RORA: variants seen among roughly 807,000 people sequenced by gnomAD.
RORA encodes the protein RAR related orphan receptor A, also known as nuclear receptor ROR-alpha.
Under a neutral mutation model 69.5 loss-of-function variants are expected in RORA, and 7 were observed. The ratio of observed to expected loss-of-function variants is 0.10; its 90% CI spans 0.06 to 0.19. The LOEUF is 0.19. Among genes scored for constraint, RORA ranks in the 10% least tolerant of loss-of-function variants. RORA has a pLI of 1.00. For missense variants in RORA, 457 were observed against 663.0 expected, an observed-to-expected ratio of 0.69 and a Z score of 3.41; for synonymous variants, 261 against 240.8, an observed-to-expected ratio of 1.08 and a Z score of -0.78.
intron 1 of RORA, among the ~76,000 whole-genome samples, chr15:61,179,852 G>A (rs182681659): frequency 1.1e-4 from 16 of 152,122 alleles, no homozygotes; most frequent in African/African-American, 2.6e-4. Flanking sequence ...AGACAAAACC[G>A]TAGGCTGGGT....
rs1028666553 is a variant in RORA, at chr15:60,952,625, G to C, written c.167-273939C>G. Among the ~76,000 whole-genome samples, 225 of 152,204 alleles carry C rather than the reference G, an allele frequency of 1.5e-3. 1 individual carries two copies. The highest frequency in any genetic ancestry group is 2.0e-3 in the Non-Finnish European group (133 of 68,020). ...ATACAAAATCACTGTACAAAAATCA[G>C]AAGCATTCCTATACACCAATAACAG... On this transcript the variant is annotated intron_variant, in intron 1 of 10. Coordinates refer to ENST00000335670, the MANE Select transcript of RORA (RefSeq NM_134261.3).
chr15:61,120,508 G>A (rs555078002), intron 1 of RORA, among the ~76,000 whole-genome samples: 3 of 151,990 alleles, frequency 2.0e-5, no homozygotes, highest in East Asian at 3.9e-4. Context: ...GACCACCCTG[G>A]CTAACACGAT....
At chr15:60,598,013 C>T (rs571789596) in intron 2 of RORA, among the ~76,000 whole-genome samples, 2 of 152,216 alleles carry the variant, frequency 1.3e-5, no homozygotes, top group Non-Finnish European at 2.9e-5. Context: ...AACCAACCTA[C>T]ATCCCACTCA....
intron 1 of RORA, among the ~76,000 whole-genome samples, chr15:60,698,754 G>A (rs895971839): frequency 2.7e-5 from 4 of 150,916 alleles, no homozygotes; most frequent in African/African-American, 9.8e-5. Context: ...GTGTACACCT[G>A]TCCCAATGCA....
intron 2 of RORA, among the ~76,000 whole-genome samples, chr15:60,590,175 ATCTCTCTCTCTC>A (rs56192812): frequency 6.8e-5 from 10 of 146,712 alleles, no homozygotes; most frequent in Admixed American, 2.7e-4. Flanking sequence ...CTCTTCCTCT[ATCTCTCTCTCTC>A]TCTCTCTCTC....
intron 1 of RORA, among the ~76,000 whole-genome samples, chr15:60,945,072 C>G (rs909132934): frequency 1.1e-4 from 17 of 152,156 alleles, no homozygotes; most frequent in Non-Finnish European, 7.3e-5. Context: ...GGCTTAAGAG[C>G]AGAGAGGAGG....
intron 1 of RORA, among the ~76,000 whole-genome samples, chr15:60,857,376 A>G (rs2073391492): frequency 6.6e-6 from 1 of 150,984 alleles, no homozygotes; most frequent in African/African-American, 2.4e-5. Context: ...ATCTTTGCTC[A>G]TGCACCCCAA....
In RORA at chr15:60,492,857, TAC is replaced by T. The variant is rs1488327311; in HGVS notation, c.*4596_*4597del. ...CAAAATGAGACGAGAGTAAAGAGTT[TAC>T]ACACACGCAGTTCTATATAGTTCAC... On this transcript the variant is annotated 3_prime_UTR_variant, in exon 11 of 11. Transcript: ENST00000335670. The T allele has an allele frequency of 2.6e-5, 4 of 152,126 alleles. No homozygotes were observed. The highest frequency in any genetic ancestry group is 2.0e-4 in the Admixed American group (3 of 15,268). 9.4% of individuals were successfully genotyped at this position (152,126 alleles called of 1,614,324 possible).
At chr15:61,104,255 G>A (rs527712876) in intron 1 of RORA, among the ~76,000 whole-genome samples, 3 of 152,258 alleles carry the variant, frequency 2.0e-5, no homozygotes, top group Non-Finnish European at 4.4e-5. Flanking sequence ...TTGAGGGAAC[G>A]GAGAAAATTA....
Position 61,201,072 on chromosome 15 carries a change from C to T in RORA, c.166+27981G>A, listed in dbSNP as rs544750896. On this transcript the variant is annotated intron_variant, in intron 1 of 10. Transcript: ENST00000335670. ...TGCACAACAATTATTATCTTTCATG[C>T]CATCCTTTGAATTATATTCAGGTTT... Among the ~76,000 whole-genome samples the T allele has an allele frequency of 4.6e-5, 7 of 152,302 alleles. No individual in the cohort carries two copies. The South Asian group carries it at 1.5e-3, about 32-fold the overall frequency.
intron 1 of RORA, among the ~76,000 whole-genome samples, chr15:60,816,738 AAAAAT>A (rs562605420): frequency 8.3e-5 from 12 of 144,686 alleles, no homozygotes; most frequent in East Asian, 2.1e-4. Context: ...GTATAATAAA[AAAAAT>A]AAAATAAAAT....
At chr15:60,497,809 A>G (rs2065207193) in intron 10 of RORA, among the ~76,000 whole-genome samples, 190 bp from the exon 11 acceptor site, 1 of 152,156 alleles carries the variant, frequency 6.6e-6, no homozygotes, top group Non-Finnish European at 1.5e-5. Context: ...CTGTAATTCT[A>G]GCACTTTGGG....
rs2070260757 is a variant in RORA at position 60,658,816 on chromosome 15, T to C, written c.196+19841A>G. Among the ~76,000 whole-genome samples, 3 of 152,246 alleles carry C rather than the reference T, an allele frequency of 2.0e-5. No homozygotes were observed. The South Asian group carries it at 6.2e-4, about 32-fold the overall frequency. On this transcript the variant is annotated intron_variant, in intron 2 of 10. Transcript: ENST00000335670. ...TCCCATGTGAAGGAAAATGTTTCTA[T>C]TTCAATTGTGATGTTTGGAATTTCA...
At chr15:61,071,719 G>C (rs2078368342) in intron 1 of RORA, among the ~76,000 whole-genome samples, 1 of 149,936 alleles carries the variant, frequency 6.7e-6, no homozygotes, top group African/African-American at 2.5e-5. Flanking sequence ...AATTCACTGA[G>C]CCATACAAAG....
Position 60,515,949 on chromosome 15 carries a change from TTATATATTTATATTTA to T in RORA, c.283-1208_283-1193del, listed in dbSNP as rs1567050818. 3.0e-3 allele frequency among the ~76,000 whole-genome samples: 47 copies of T among 15,532 alleles called. 3 individuals carry two copies. The highest frequency in any genetic ancestry group is 0.011 in the African/African-American group (40 of 3,672). The allele number at this position is 15,532 out of a possible 152,430, so 10.2% of individuals were successfully genotyped here. A position where few individuals can be genotyped will look rare whatever the true frequency, so the allele number is the denominator to read the frequency against. Reference sequence around the variant, plus strand: ...TATTTATATATATATTTATATATATTTATATATTTATATTTATATATATTTATATATTTATATATAT... The same window carrying T: ...TATTTATATATATATTTATATATATTTATATATTTATATATTTATATATAT... On this transcript the variant is annotated intron_variant, in intron 3 of 10. Transcript: ENST00000335670.
chr15:61,129,459 G>A (rs527889320), intron 1 of RORA, among the ~76,000 whole-genome samples: 2 of 152,150 alleles, frequency 1.3e-5, no homozygotes, highest in South Asian at 2.1e-4. Flanking sequence ...GAGGTTATGG[G>A]GGATGATCGC....
intron 1 of RORA, among the ~76,000 whole-genome samples, chr15:60,890,499 G>C (rs751334256): frequency 2.0e-5 from 3 of 152,220 alleles, no homozygotes; most frequent in Non-Finnish European, 2.9e-5. Context: ...CATAAGCCAT[G>C]GAGGATGACG....
chr15:60,958,503 C>T (rs750506308), intron 1 of RORA, among the ~76,000 whole-genome samples: 1 of 152,096 alleles, frequency 6.6e-6, no homozygotes, highest in African/African-American at 2.4e-5. Context: ...TATTAATTGC[C>T]TAGCGTAGAT....
chr15:60,869,977 C>T (rs2073536310), intron 1 of RORA, among the ~76,000 whole-genome samples: 1 of 152,192 alleles, frequency 6.6e-6, no homozygotes, highest in Non-Finnish European at 1.5e-5. Context: ...TCTTTGTGTT[C>T]CTTGGTTGCC....
Sources: gnomAD v4.1 joint callset for allele counts (sites outside exome capture counted in the v4.1 genomes callset) on GRCh38, gnomAD v4.1.1 for gene constraint, MANE v1.5 for transcripts, NCBI Gene and HGNC (gene_info 2026-07-23, HGNC 2026-07-21) for gene names.